Variants in CLNK observed in about 807,000 individuals in gnomAD.
CLNK encodes the protein cytokine-dependent hematopoietic cell linker.
In CLNK, 74 loss-of-function variants were observed where a neutral mutation model predicts 68.6. That is an observed-to-expected ratio of 1.08 (90% confidence interval 0.89 to 1.31). The LOEUF is 1.31. Among genes scored for constraint, CLNK ranks in the 50% most tolerant of loss-of-function variants. The pLI is 0.00. For synonymous variants in CLNK, 198 were observed against 172.2 expected (o/e 1.15, Z -1.17); for missense variants, 553 against 515.3 (o/e 1.07, Z -0.71).
intron 11 of CLNK, among the ~76,000 whole-genome samples, chr4:10,537,704 TTC>T (rs1718844760): frequency 2.4e-5 from 2 of 84,806 alleles, no homozygotes; most frequent in Non-Finnish European, 4.8e-5. Flanking sequence ...CCTTCCTTCC[TTC>T]CTTTCTTTCT....
intron 4 of CLNK, among the ~76,000 whole-genome samples, chr4:10,583,473 GAT>G (rs1239888411): frequency 6.6e-6 from 1 of 152,038 alleles, no homozygotes; most frequent in African/African-American, 2.4e-5. Flanking sequence ...TTTTAGTAGA[GAT>G]AGTGTTTCAC....
At chr4:10,585,020 T>C in intron 3 of CLNK, 65 bp from the exon 4 acceptor site, 1 of 1,558,770 alleles carries the variant, frequency 6.4e-7, no homozygotes, top group Non-Finnish European at 8.8e-7. Context: ...CCCCGCCACA[T>C]AGGAACAGGC....
At chr4:10,700,767 G>T in the CLNK span, among the ~76,000 whole-genome samples, 2 of 152,064 alleles carry the variant, frequency 1.3e-5, no homozygotes, top group African/African-American at 2.4e-5. Context: ...AAATCCCTAT[G>T]TCTTTCATAC....
intron 2 of CLNK, among the ~76,000 whole-genome samples, chr4:10,660,722 G>A (rs1399622891): frequency 6.6e-6 from 1 of 152,180 alleles, no homozygotes; most frequent in East Asian, 1.9e-4. Flanking sequence ...GCCAGTAAGA[G>A]AGAGAGAAGA....
Position 10,510,379 on chromosome 4 carries a change from A to G in CLNK, c.907-2343T>C, listed in dbSNP as rs183745957. 1.3e-4 allele frequency among the ~76,000 whole-genome samples: 20 copies of G among 152,318 alleles called. No individual in the cohort carries two copies. The East Asian group carries it at 3.5e-3, about 26-fold the overall frequency. On this transcript the variant is annotated intron_variant, in intron 16 of 18. Transcript: ENST00000226951. ...GAAGAAGAGCAGTCCTTATGCTGAC[A>G]GCCATTAGCAGGTGATGGGATCCTG...
chr4:10,542,143 CAG>C, intron 9 of CLNK, 102 bp from the exon 10 acceptor site: 1 of 1,234,710 alleles, frequency 8.1e-7, no homozygotes, highest in East Asian at 2.4e-5. Flanking sequence ...AAATTGTGAT[CAG>C]ACTTATAAGA....
intron 4 of CLNK, among the ~76,000 whole-genome samples, chr4:10,582,122 T>C (rs1053853786): frequency 6.6e-6 from 1 of 152,256 alleles, no homozygotes; most frequent in African/African-American, 2.4e-5. Flanking sequence ...TCTGAAATCC[T>C]GGCTTGTCCC....
At chr4:10,600,630 AC>A (rs1379185373) in intron 2 of CLNK, among the ~76,000 whole-genome samples, 2 of 152,200 alleles carry the variant, frequency 1.3e-5, no homozygotes, top group Non-Finnish European at 2.9e-5. Flanking sequence ...TGGCTAACTG[AC>A]CCTGCCTGCT....
intron 2 of CLNK, among the ~76,000 whole-genome samples, chr4:10,651,456 C>A (rs1426482648): frequency 6.6e-6 from 1 of 152,120 alleles, no homozygotes; most frequent in East Asian, 1.9e-4. Flanking sequence ...TAACAGAAAA[C>A]CTAACTCCGT....
At chr4:10,589,817 A>G (rs1178656981) in intron 3 of CLNK, among the ~76,000 whole-genome samples, 1 of 152,148 alleles carries the variant, frequency 6.6e-6, no homozygotes, top group Non-Finnish European at 1.5e-5. Flanking sequence ...CTGCTAGCAA[A>G]CTTCGTGGAG....
intron 15 of CLNK, among the ~76,000 whole-genome samples, chr4:10,519,091 C>T (rs1320051601): frequency 1.5e-4 from 23 of 152,142 alleles, no homozygotes; most frequent in Admixed American, 8.5e-4. Context: ...TGTTTGTTTA[C>T]GAAAACAGGA....
intron 18 of CLNK, among the ~76,000 whole-genome samples, chr4:10,494,727 G>T (rs1293713923): frequency 1.3e-5 from 2 of 152,150 alleles, no homozygotes; most frequent in Admixed American, 6.6e-5. Context: ...CTAAAGTGCT[G>T]GGATTACAGG....
At chr4:10,726,886 G>A in the CLNK span, among the ~76,000 whole-genome samples, 2,039 of 152,248 alleles carry the variant, frequency 0.013, 38 homozygotes, top group Middle Eastern at 0.078. Flanking sequence ...TGGAACTGTT[G>A]CTATGAAAAT....
At chr4:10,717,770 C>A in the CLNK span, among the ~76,000 whole-genome samples, 1 of 152,112 alleles carries the variant, frequency 6.6e-6, no homozygotes, top group African/African-American at 2.4e-5. Flanking sequence ...TAAGTAAAAT[C>A]CAGAGTCTCA....
chr4:10,694,591 A>G, the CLNK span, among the ~76,000 whole-genome samples: 1 of 152,280 alleles, frequency 6.6e-6, no homozygotes, highest in East Asian at 1.9e-4. Flanking sequence ...ACTATACCAT[A>G]TAATCTAGTT....
chr4:10,509,793 TG>T (rs1483448952), intron 16 of CLNK, among the ~76,000 whole-genome samples: 2 of 152,280 alleles, frequency 1.3e-5, no homozygotes, highest in Non-Finnish European at 2.9e-5. Context: ...CCCATAGTGC[TG>T]GGGTTACAGG....
chr4:10,646,119 T>G (rs888891472), intron 2 of CLNK, among the ~76,000 whole-genome samples: 2 of 152,196 alleles, frequency 1.3e-5, no homozygotes, highest in Non-Finnish European at 2.9e-5. Context: ...ATGGAGGAAT[T>G]TAATTTAAAT....
chr4:10,598,676 A>T (rs1410585800), intron 2 of CLNK: 1 of 446,682 alleles, frequency 2.2e-6, no homozygotes, highest in Admixed American at 2.4e-5. Context: ...ATTTGCTAAC[A>T]TTCATTAAAT....
chr4:10,724,046 A>G, the CLNK span, among the ~76,000 whole-genome samples: 5 of 152,172 alleles, frequency 3.3e-5, no homozygotes, highest in African/African-American at 4.8e-5. Flanking sequence ...GCTTTGCGCG[A>G]TATTTCAGAC....
Sources: allele counts gnomAD v4.1 joint callset (sites outside exome capture counted in the v4.1 genomes callset), GRCh38; gene constraint gnomAD v4.1.1; transcripts MANE v1.5; gene names NCBI Gene and HGNC (gene_info 2026-07-23, HGNC 2026-07-21).